Variants in FAT2 observed in about 807,000 individuals in gnomAD.
The protein encoded by FAT2 is FAT atypical cadherin 2.
A neutral mutation model predicts 295.3 loss-of-function variants in FAT2; 150 were observed. The ratio of observed to expected loss-of-function variants is 0.51; its 90% CI spans 0.44 to 0.58. FAT2 has a LOEUF of 0.58. Among genes scored for constraint, FAT2 ranks in the 20% least tolerant of loss-of-function variants. FAT2 has a pLI of 0.00. For missense variants in FAT2, 4,868 were observed against 5,442.7 expected (o/e 0.89, Z 3.32); for synonymous variants, 2,026 against 2,150.3 (o/e 0.94, Z 1.60).
At chr5:151,519,652 T>C (rs1753236123) in intron 19 of FAT2, among the ~76,000 whole-genome samples, 1 of 152,256 alleles carries the variant, frequency 6.6e-6, no homozygotes. Context: ...TTCCTTGATC[T>C]GGGCGTTGGC....
intron 1 of FAT2, among the ~76,000 whole-genome samples, chr5:151,588,103 A>G (rs1418149048): frequency 2.0e-5 from 3 of 152,084 alleles, no homozygotes; most frequent in African/African-American, 7.2e-5. Context: ...CTCACTGGCA[A>G]TAGTGATGGA....
In FAT2 at chr5:151,505,483, C is replaced by G. The variant is rs761825215; in HGVS notation, c.*82G>C. ...TCCCTCCCACTCTCCCAGCCACACT[C>G]AACTCACCCCCTACGAGACAGGAAG... On this transcript the variant is annotated 3_prime_UTR_variant, in exon 24 of 24. Transcript: ENST00000261800. 317 of 1,549,516 alleles carry G rather than the reference C, an allele frequency of 2.0e-4. 2 individuals are homozygous for G. The highest frequency in any genetic ancestry group is 1.7e-3 in the Middle Eastern group (10 of 5,886).
At chr5:151,506,714 T>A (rs1163083515) in intron 23 of FAT2, among the ~76,000 whole-genome samples, 1 of 152,244 alleles carries the variant, frequency 6.6e-6, no homozygotes, top group East Asian at 1.9e-4. Context: ...CACCCCCTTT[T>A]GAGCCAAAGA....
At chr5:151,527,528 G>A (rs1754146677) in intron 16 of FAT2, 151 bp from the exon 17 acceptor site, 4 of 657,796 alleles carry the variant, frequency 6.1e-6, no homozygotes, top group South Asian at 5.4e-5. Flanking sequence ...TTAGGGCTTA[G>A]GTTCTGGAGT....
Position 151,567,507 on chromosome 5 carries a change from G to T in FAT2, c.1425C>A (p.Thr475=). Residue 475 remains threonine, a synonymous_variant, in exon 2 of 24, where the codon ACC becomes ACA. Coordinates refer to ENST00000261800, the MANE Select transcript of FAT2 (RefSeq NM_001447.3). ...CAGTGGCAGTCACAGCCAAAACACT[G>T]GTGCCTGGAGGGATGTTCTCATCCA... ...GTLDENIPPG[T]SVLAVTATDR... is the part of the protein sequence containing the mutation. 2 of 1,614,156 alleles carry T rather than the reference G, an allele frequency of 1.2e-6. No homozygotes were observed. The highest frequency in any genetic ancestry group is 1.7e-6 in the Non-Finnish European group (2 of 1,180,020).
chr5:151,533,394 A>G (rs1040532189), intron 13 of FAT2, among the ~76,000 whole-genome samples: 19 of 10,380 alleles, frequency 1.8e-3, no homozygotes, highest in African/African-American at 5.0e-3. Flanking sequence ...GTTATCTCCA[A>G]CACACACACA....
At chr5:151,509,475 A>G in intron 22 of FAT2, 1 of 153,322 alleles carries the variant, frequency 6.5e-6, no homozygotes. Flanking sequence ...ATGGGTGAGC[A>G]AGCATTACCA....
In FAT2 at chr5:151,525,992, A is replaced by C. The variant is rs1581328144; in HGVS notation, c.10309-27T>G. 6 of 1,610,092 alleles carry C rather than the reference A, an allele frequency of 3.7e-6. No individual in the cohort carries two copies. In the East Asian group the frequency reaches 1.3e-4, roughly 36 times the overall value. On this transcript the variant is annotated intron_variant, in intron 17 of 23. Coordinates refer to ENST00000261800, the MANE Select transcript of FAT2 (RefSeq NM_001447.3). ...TGAGACCGAGAGTGACAAAGAAGGC[A>C]AAGAGCAGAATGAGTCCCGGTCCTT...
In FAT2 at chr5:151,512,283, G is replaced by C. The variant is rs1369919476; in HGVS notation, c.11787C>G (p.Gly3929=). The C allele has an allele frequency of 1.2e-6, 2 of 1,614,224 alleles. No homozygotes were observed. Among genetic ancestry groups the C allele is most frequent in the Non-Finnish European group, 1.7e-6 (2 of 1,180,040 alleles). The change falls in exon 21 of 24, where the codon GGC becomes GGG. Residue 3929 remains glycine (G), a synonymous_variant. Transcript: ENST00000261800. This position sits in a 1 kb window ranked among gnomAD's most constrained non-coding sequence, Gnocchi z 4.1. The part of the protein sequence containing the change: ...NEEALDLLAP[G]KTVAGLLETQ... ...TCTCCAGCAAGCCTGCCACCGTCTTGCCAGGGGCCAGCAGATCTAGAGCCT... is the reference window on the plus strand; with the variant it reads ...TCTCCAGCAAGCCTGCCACCGTCTTCCCAGGGGCCAGCAGATCTAGAGCCT...
Position 151,543,382 on chromosome 5 carries a change from G to A in FAT2, c.7745C>T (p.Pro2582Leu), listed in dbSNP as rs2127607473. The change falls in exon 10 of 24, where the codon CCC becomes CTC. Residue 2582 changes from proline to leucine, a missense_variant. Pro to Leu is a moderately conservative substitution (Grantham distance 98). Around this residue, in one of 5 missense-constraint regions of FAT2, gnomAD observed 3,297 missense variants for 3,669.4 expected, o/e 0.90. Coordinates refer to ENST00000261800, the MANE Select transcript of FAT2 (RefSeq NM_001447.3). Reference sequence around the variant, plus strand: ...GTACTCAGATGCTTTGAACTGTGGGGGGTTGTCATTTTCATCTGTGAGGAT... The same window carrying A: ...GTACTCAGATGCTTTGAACTGTGGGAGGTTGTCATTTTCATCTGTGAGGAT... ...KIILTDENDN[P>L]PQFKASEYTV... is the part of the protein sequence containing the mutation. The A allele has an allele frequency of 6.2e-7, 1 of 1,614,126 alleles. No homozygotes were observed. The highest frequency in any genetic ancestry group is 8.5e-7 in the Non-Finnish European group (1 of 1,180,016).
Position 151,534,993 on chromosome 5 carries a change from A to ATATATATG in FAT2, c.9194-352_9194-351insCATATATA, listed in dbSNP as rs1218523714. Among the ~76,000 whole-genome samples the ATATATATG allele has an allele frequency of 4.3e-5, 6 of 139,656 alleles. No individual in the cohort carries two copies. In the East Asian group the frequency reaches 1.2e-3, roughly 27 times the overall value. The allele number at this position is 139,656 out of a possible 152,430, so 91.6% of individuals were successfully genotyped here. On this transcript the variant is annotated intron_variant, in intron 12 of 23. Coordinates refer to ENST00000261800, the MANE Select transcript of FAT2 (RefSeq NM_001447.3). ...AAAATATATATATATATATATATAT[A>ATATATATG]TATGTATACATTTTCTATAGAAAAA...
Position 151,505,743 on chromosome 5 carries a change from G to A in FAT2, c.12872C>T (p.Ala4291Val), listed in dbSNP as rs760521076. ...ACCCACCCCCTTGTAGCCCCCGTCT[G>A]CCAGGCAGGGCCCTCCCCCTCCCTG... ...FRQGGGGPCL[A>V]DGGYKGVGMR... is the part of the protein sequence containing the mutation. The change falls in exon 24 of 24, where the codon GCA becomes GTA. Residue 4291 changes from alanine (A) to valine (V), a missense_variant. This residue lies in a region of FAT2 where 492 missense variants were observed against 482.6 expected (regional missense o/e 1.02). Transcript: ENST00000261800. 1.6e-5 allele frequency: 26 copies of A among 1,613,388 alleles called. No homozygotes were observed. Among genetic ancestry groups the A allele is most frequent in the African/African-American group, 4.0e-5 (3 of 74,904 alleles).
rs372144653 is a variant in FAT2 at position 151,553,407 on chromosome 5, A to C, written c.3946-20T>G. On this transcript the variant is annotated intron_variant, in intron 5 of 23. Transcript: ENST00000261800. ...CTTGATCTGAAAGGAGGCCAACACC[A>C]AAACTGAGGTTTGGGGCCAAGAGAC... The C allele has an allele frequency of 6.2e-7, 1 of 1,611,436 alleles. No individual in the cohort carries two copies. The highest frequency in any genetic ancestry group is 1.1e-5 in the South Asian group (1 of 90,698).
At chr5:151,562,506 CAG>C (rs1276161533) in intron 3 of FAT2, among the ~76,000 whole-genome samples, 1 of 152,110 alleles carries the variant, frequency 6.6e-6, no homozygotes, top group Non-Finnish European at 1.5e-5. Context: ...AGTAACACAA[CAG>C]GGGATGGCAG....
At chr5:151,529,484 C>T (rs1400714758) in intron 14 of FAT2, 92 bp from the exon 15 acceptor site, 2 of 1,042,286 alleles carry the variant, frequency 1.9e-6, no homozygotes, top group Admixed American at 3.8e-5. Flanking sequence ...GGAGAGGCAG[C>T]TCAACAGGGC....
In FAT2 at chr5:151,509,968, A is replaced by C. The variant is rs1045869277; in HGVS notation, c.12059+53T>G. 9 of 1,593,918 alleles carry C rather than the reference A, an allele frequency of 5.6e-6. No homozygotes were observed. The African/African-American group carries it at 1.3e-4, about 22-fold the overall frequency. ...TTGGACTTTCTAGAGGTCAGAGTACAGAGCGCATTCCCTAACAAGGAGCCC... is the reference window on the plus strand; with the variant it reads ...TTGGACTTTCTAGAGGTCAGAGTACCGAGCGCATTCCCTAACAAGGAGCCC... On this transcript the variant is annotated intron_variant, in intron 22 of 23. Transcript: ENST00000261800.
chr5:151,570,413 A>G (rs1758476306), intron 1 of FAT2, among the ~76,000 whole-genome samples: 1 of 152,270 alleles, frequency 6.6e-6, no homozygotes, highest in Non-Finnish European at 1.5e-5. Flanking sequence ...GAGATCAGTC[A>G]AGCTCCAAGT....
rs369912587 is a variant in FAT2, at chr5:151,566,739, G to C, written c.2193C>G (p.Asn731Lys). ...TGGCTGCTAGGCGGGCCAAGGGGGT[G>C]TTGATAGGGACACTCTCAAGGACAT... ...SIDVLESVPI[N>K]TPLARLAATD... The change falls in exon 2 of 24, where the codon AAC (asparagine) becomes AAG (lysine). Residue 731 changes from asparagine to lysine, a missense_variant. This residue lies in a region of FAT2 where 3,297 missense variants were observed against 3,669.4 expected (regional missense o/e 0.90). Transcript: ENST00000261800. 20 of 1,614,082 alleles carry C rather than the reference G, an allele frequency of 1.2e-5. No individual in the cohort carries two copies. In the African/African-American group the frequency reaches 2.3e-4, roughly 18 times the overall value.
intron 1 of FAT2, among the ~76,000 whole-genome samples, chr5:151,583,040 C>A (rs1759023527): frequency 6.6e-6 from 1 of 152,158 alleles, no homozygotes; most frequent in Non-Finnish European, 1.5e-5. Context: ...CATCTCCAAC[C>A]CCAGAGGCAG....
Sources: gnomAD v4.1 joint callset for allele counts (sites outside exome capture counted in the v4.1 genomes callset) on GRCh38, gnomAD v4.1.1 for gene constraint, gnomAD v4.1.1 regional missense constraint, Gnocchi (gnomAD v3.1) non-coding constraint, MANE v1.5 for transcripts, NCBI Gene and HGNC (gene_info 2026-07-23, HGNC 2026-07-21) for gene names.